ECT2: variants seen among roughly 807,000 people sequenced by gnomAD.
ECT2 encodes epithelial cell transforming 2, also known as protein ECT2.
A neutral mutation model predicts 116.9 loss-of-function variants in ECT2; 61 were observed. The observed-to-expected ratio is 0.52, with a 90% CI of 0.42 to 0.65. The LOEUF is 0.65. Ranked by LOEUF, ECT2 falls within the 30% of genes least tolerant of loss-of-function variation. ECT2 has a pLI of 0.00. For synonymous variants in ECT2, 358 were observed against 346.4 expected, an observed-to-expected ratio of 1.03 and a Z score of -0.37; for missense variants, 937 against 1,078.7, an observed-to-expected ratio of 0.87 and a Z score of 1.84.
chr3:172,828,580 C>G, the ECT2 span, among the ~76,000 whole-genome samples: 1 of 150,788 alleles, frequency 6.6e-6, no homozygotes, highest in Non-Finnish European at 1.5e-5. Flanking sequence ...TGAAAAACAG[C>G]CTATTCAATA....
At chr3:172,780,951 C>T (rs911782735) in intron 14 of ECT2, among the ~76,000 whole-genome samples, 2 of 152,034 alleles carry the variant, frequency 1.3e-5, no homozygotes, top group African/African-American at 2.4e-5. Flanking sequence ...TCTTGAAATA[C>T]AAAAGTTTTA....
At chr3:172,784,984 C>G (rs950301292) in intron 17 of ECT2, among the ~76,000 whole-genome samples, 181 bp downstream of exon 17, 1 of 152,044 alleles carries the variant, frequency 6.6e-6, no homozygotes, top group Admixed American at 6.6e-5. Context: ...TCAGCCTGGC[C>G]TGAAATATTT....
intron 13 of ECT2, 99 bp from the exon 14 acceptor site, chr3:172,773,804 C>T: frequency 8.3e-7 from 1 of 1,202,156 alleles, no homozygotes; most frequent in Non-Finnish European, 1.2e-6. Flanking sequence ...TTATTACTTC[C>T]TTCTCTATTA....
intron 18 of ECT2, among the ~76,000 whole-genome samples, chr3:172,792,735 G>A (rs1724908703): frequency 6.6e-6 from 1 of 151,864 alleles, no homozygotes; most frequent in African/African-American, 2.4e-5. Context: ...TTTTGGTGGA[G>A]GGGGTGGTAT....
At chr3:172,803,040 T>G in intron 20 of ECT2, 60 bp downstream of exon 20, 1 of 1,426,782 alleles carries the variant, frequency 7.0e-7, no homozygotes, top group Admixed American at 2.4e-5. Flanking sequence ...TCCCTGAATA[T>G]TTAAAACCAA....
intron 18 of ECT2, among the ~76,000 whole-genome samples, chr3:172,789,463 C>G (rs1002302689): frequency 6.6e-6 from 1 of 152,102 alleles, no homozygotes; most frequent in African/African-American, 2.4e-5. Flanking sequence ...CTCGGCTACC[C>G]AAAGTATTGG....
chr3:172,791,427 T>C (rs1205564751), intron 18 of ECT2, among the ~76,000 whole-genome samples: 2 of 152,236 alleles, frequency 1.3e-5, no homozygotes, highest in Non-Finnish European at 2.9e-5. Context: ...GAAGGCTGTT[T>C]TGTCTACACT....
At chr3:172,816,860 G>T in intron 24 of ECT2, 23 bp downstream of exon 24, 2 of 1,493,876 alleles carry the variant, frequency 1.3e-6, no homozygotes, top group Non-Finnish European at 1.8e-6. Flanking sequence ...GATTTAATGG[G>T]GTAAATGACT....
rs755401986 is a variant in ECT2 at position 172,762,413 on chromosome 3, T to C, written c.759-3T>C. The C allele has an allele frequency of 1.3e-6, 2 of 1,592,338 alleles. No individual in the cohort carries two copies. Among genetic ancestry groups the C allele is most frequent in the Non-Finnish European group, 8.5e-7 (1 of 1,175,010 alleles). On this transcript the variant is annotated splice_polypyrimidine_tract_variant and splice_region_variant and intron_variant, in intron 8 of 24. Coordinates refer to ENST00000392692, the MANE Select transcript of ECT2 (RefSeq NM_001258315.2). ...GTTTTGGAAGAGTGTATTTTGTTTT[T>C]AGGGATTTCTATGCAGCAGTTGATG... is the stretch of plus-strand genomic sequence containing the variant.
the ECT2 span, chr3:172,828,916 A>G: frequency 6.9e-7 from 1 of 1,454,748 alleles, no homozygotes; most frequent in Non-Finnish European, 9.5e-7. Flanking sequence ...ACACAATTCC[A>G]ATGCCAGTCC....
chr3:172,807,062 G>A (rs190615260), intron 21 of ECT2, among the ~76,000 whole-genome samples: 7 of 152,240 alleles, frequency 4.6e-5, no homozygotes, highest in Admixed American at 3.9e-4. Context: ...CACGGGGGAC[G>A]GTTCCTGGAC....
At chr3:172,818,578 A>G (rs1730169676) in intron 24 of ECT2, 1 of 1,284,198 alleles carries the variant, frequency 7.8e-7, no homozygotes, top group Non-Finnish European at 1.0e-6. Flanking sequence ...AAGCAATGTA[A>G]TTGGATTTAC....
intron 7 of ECT2, 38 bp from the exon 8 acceptor site, chr3:172,761,572 T>C (rs1376053297): frequency 1.4e-6 from 2 of 1,459,478 alleles, no homozygotes; most frequent in Admixed American, 1.7e-5. Context: ...AATGCAGTTA[T>C]TTAAGGAGAA....
At chr3:172,787,349 C>T (rs914711769) in intron 18 of ECT2, among the ~76,000 whole-genome samples, 2 of 93,568 alleles carry the variant, frequency 2.1e-5, no homozygotes, top group Non-Finnish European at 2.1e-5. Flanking sequence ...GGGGATTCAG[C>T]GGAGACCTCT....
chr3:172,799,557 A>C (rs1344158049), intron 18 of ECT2, among the ~76,000 whole-genome samples: 1 of 152,192 alleles, frequency 6.6e-6, no homozygotes, highest in African/African-American at 2.4e-5. Context: ...CTTTTATTCC[A>C]CTAGTAACTT....
At chr3:172,812,539 A>C (rs1302360493) in intron 22 of ECT2, among the ~76,000 whole-genome samples, 1 of 152,186 alleles carries the variant, frequency 6.6e-6, no homozygotes, top group Non-Finnish European at 1.5e-5. Context: ...GAGCATTGAT[A>C]AGTTACTTTA....
intron 6 of ECT2, among the ~76,000 whole-genome samples, chr3:172,759,341 T>C (rs1054179021): frequency 6.6e-6 from 1 of 152,172 alleles, no homozygotes; most frequent in Non-Finnish European, 1.5e-5. Flanking sequence ...GCTACGTTGG[T>C]TATTTAAAGT....
chr3:172,763,025 T>C, intron 11 of ECT2, 53 bp downstream of exon 11: 1 of 1,579,498 alleles, frequency 6.3e-7, no homozygotes, highest in Non-Finnish European at 8.7e-7. Flanking sequence ...TGTTTGAAAA[T>C]AACACTTTTC....
intron 18 of ECT2, among the ~76,000 whole-genome samples, chr3:172,788,691 C>T (rs1237142854): frequency 1.3e-5 from 2 of 152,224 alleles, no homozygotes; most frequent in Non-Finnish European, 2.9e-5. Context: ...TTACACTATA[C>T]TATAGCCTGT....
Sources: gnomAD v4.1 joint callset for allele counts (sites outside exome capture counted in the v4.1 genomes callset) on GRCh38, gnomAD v4.1.1 for gene constraint, MANE v1.5 for transcripts, NCBI Gene and HGNC (gene_info 2026-07-23, HGNC 2026-07-21) for gene names.